MMP26: variants seen among roughly 807,000 people sequenced by gnomAD.
MMP26 encodes the protein matrix metallopeptidase 26, also known as matrix metalloproteinase-26.
A neutral mutation model predicts 31.0 loss-of-function variants in MMP26; 33 were observed. That is an observed-to-expected ratio of 1.06 (90% CI 0.81 to 1.42). The LOEUF (loss-of-function observed/expected upper bound fraction) is 1.42, where lower values mean the gene tolerates loss of function less well. MMP26 is among the 40% of genes most tolerant of loss of function. MMP26 has a pLI of 0.00. For synonymous variants in MMP26, 122 were observed against 114.9 expected (o/e 1.06, Z -0.40); for missense variants, 347 against 316.1 (o/e 1.10, Z -0.74).
chr11:4,858,916 C>T (rs1336645710), intron 2 of MMP26, among the ~76,000 whole-genome samples: 1 of 152,090 alleles, frequency 6.6e-6, no homozygotes, highest in East Asian at 1.9e-4. Flanking sequence ...GAATTAATAC[C>T]ACACATCTAT....
At chr11:4,776,681 A>G (rs34104979) in intron 2 of MMP26, among the ~76,000 whole-genome samples, 14,434 of 152,098 alleles carry the variant, frequency 0.095, 851 homozygotes, top group Middle Eastern at 0.15. Context: ...TAATAAGTGA[A>G]TTCTCATGAT....
At chr11:4,705,956 C>T (rs1440711153) in intron 1 of MMP26, among the ~76,000 whole-genome samples, 2 of 92,918 alleles carry the variant, frequency 2.2e-5, no homozygotes, top group Admixed American at 3.1e-4. Flanking sequence ...GCTCCAGGAG[C>T]AGGGATGGTG....
At chr11:4,826,449 A>G (rs1849579299) in intron 2 of MMP26, among the ~76,000 whole-genome samples, 1 of 152,086 alleles carries the variant, frequency 6.6e-6, no homozygotes, top group African/African-American at 2.4e-5. Flanking sequence ...GTGCTGGCCT[A>G]TTATGCCTAT....
At chr11:4,766,278 C>A (rs1848627685) in intron 1 of MMP26, among the ~76,000 whole-genome samples, 1 of 152,110 alleles carries the variant, frequency 6.6e-6, no homozygotes, top group Admixed American at 6.6e-5. Context: ...GGAGAGAGCT[C>A]CAGGAGATAG....
chr11:4,992,346 C>CTGA lies in MMP26; in HGVS notation c.*104_*105insTGA. ...GCCTTGGGGACTGCTAGGATGAAGC[C>CTGA]CTAAAGAATGCAACCTAGTCAGGTT... On this transcript the variant is annotated 3_prime_UTR_variant, in exon 8 of 8. Coordinates refer to ENST00000380390, the MANE Select transcript of MMP26 (RefSeq NM_021801.5). 3 of 1,137,318 alleles carry CTGA rather than the reference C, an allele frequency of 2.6e-6. No individual in the cohort carries two copies. Among genetic ancestry groups the CTGA allele is most frequent in the Non-Finnish European group, 3.8e-6 (3 of 796,118 alleles). The allele number at this position is 1,137,318 out of a possible 1,614,324, so 70.5% of individuals were successfully genotyped here.
At chr11:4,956,275 C>A (rs564775561) in intron 2 of MMP26, among the ~76,000 whole-genome samples, 1 of 152,194 alleles carries the variant, frequency 6.6e-6, no homozygotes, top group African/African-American at 2.4e-5. Flanking sequence ...CCACAAAAGA[C>A]TGCTCTTATT....
At chr11:4,838,656 G>C (rs145790856) in intron 2 of MMP26, among the ~76,000 whole-genome samples, 7 of 152,174 alleles carry the variant, frequency 4.6e-5, no homozygotes, top group Non-Finnish European at 1.0e-4. Flanking sequence ...ATCCATACTA[G>C]TGCACTTGGA....
intron 2 of MMP26, among the ~76,000 whole-genome samples, chr11:4,932,666 A>C (rs1851367163): frequency 6.6e-6 from 1 of 152,134 alleles, no homozygotes; most frequent in Non-Finnish European, 1.5e-5. Flanking sequence ...CACAGCTATG[A>C]TCAGATATAT....
At chr11:4,863,554 A>G (rs1474308164) in intron 2 of MMP26, 1 of 152,200 alleles carries the variant, frequency 6.6e-6, no homozygotes. Flanking sequence ...GCCCTAAGTT[A>G]TCTTACACAT....
intron 6 of MMP26, 21 bp downstream of exon 6, chr11:4,991,517 G>T (rs1589826508): frequency 6.2e-7 from 1 of 1,610,696 alleles, no homozygotes; most frequent in African/African-American, 1.3e-5. Flanking sequence ...TGTTTGGTGG[G>T]ATCGCTAGAA....
rs1368619162 is a variant in MMP26, at chr11:4,955,544, A to C, written c.-144-32524A>C. On this transcript the variant is annotated intron_variant, in intron 2 of 7. Coordinates refer to ENST00000380390, the MANE Select transcript of MMP26 (RefSeq NM_021801.5). Reference sequence around the variant, plus strand: ...AAGAAAATAGTACATGGGCCCATGCAAGGAGGGCTCTGTCTTGATGATAAA... The same window carrying C: ...AAGAAAATAGTACATGGGCCCATGCCAGGAGGGCTCTGTCTTGATGATAAA... 2.2e-6 allele frequency: 3 copies of C among 1,348,114 alleles called. 1 individual carries two copies. The highest frequency in any genetic ancestry group is 3.1e-6 in the Non-Finnish European group (3 of 953,256). The allele number at this position is 1,348,114 out of a possible 1,614,324, so 83.5% of individuals were successfully genotyped here.
chr11:4,940,178 T>C (rs116757953), intron 2 of MMP26, among the ~76,000 whole-genome samples: 1,894 of 152,186 alleles, frequency 0.012, 37 homozygotes, highest in African/African-American at 0.041. Context: ...ATTTTATACA[T>C]AAAACAACAC....
chr11:4,987,299 A>G (rs530840700), intron 2 of MMP26, among the ~76,000 whole-genome samples: 1 of 152,176 alleles, frequency 6.6e-6, no homozygotes, highest in African/African-American at 2.4e-5. Flanking sequence ...TCAACTTATT[A>G]TCAATGCTTT....
At chr11:4,780,283 T>C (rs1466565964) in intron 2 of MMP26, among the ~76,000 whole-genome samples, 1 of 152,130 alleles carries the variant, frequency 6.6e-6, no homozygotes, top group Non-Finnish European at 1.5e-5. Flanking sequence ...TGTAAGGATA[T>C]AGCAAACAAC....
chr11:4,950,294 T>C (rs913469830), intron 2 of MMP26, among the ~76,000 whole-genome samples: 3 of 121,886 alleles, frequency 2.5e-5, no homozygotes, highest in African/African-American at 8.3e-5. Flanking sequence ...AGCATTTCCA[T>C]GGAAAGACCT....
At chr11:4,840,254 C>T (rs928037873) in intron 2 of MMP26, among the ~76,000 whole-genome samples, 8 of 152,214 alleles carry the variant, frequency 5.3e-5, no homozygotes, top group Non-Finnish European at 8.8e-5. Context: ...GGGATCTCAC[C>T]TTCCTGAAGG....
At chr11:4,784,030 T>A (rs1217733053) in intron 2 of MMP26, among the ~76,000 whole-genome samples, 3 of 152,186 alleles carry the variant, frequency 2.0e-5, no homozygotes, top group African/African-American at 4.8e-5. Context: ...TTTAAAATAG[T>A]GACATTTTAT....
intron 2 of MMP26, chr11:4,946,276 A>G (rs1194363212): frequency 1.1e-5 from 18 of 1,613,888 alleles, no homozygotes; most frequent in Non-Finnish European, 1.4e-5. Context: ...TTGCCATGAG[A>G]ACATTAATGA....
intron 2 of MMP26, among the ~76,000 whole-genome samples, chr11:4,898,128 G>A (rs1850740484): frequency 6.6e-6 from 1 of 151,346 alleles, no homozygotes; most frequent in African/African-American, 2.4e-5. Flanking sequence ...ATTTTCTTAG[G>A]CTTTGTCTCT....
Sources: allele counts gnomAD v4.1 joint callset (sites outside exome capture counted in the v4.1 genomes callset), GRCh38; gene constraint gnomAD v4.1.1; transcripts MANE v1.5; gene names NCBI Gene and HGNC (gene_info 2026-07-23, HGNC 2026-07-21).